The following SARNP variants were observed in gnomAD, a reference collection of about 807,000 sequenced individuals.
SARNP encodes SAP domain containing ribonucleoprotein.
A neutral mutation model predicts 38.1 loss-of-function variants in SARNP; 5 were observed. That is an observed-to-expected ratio of 0.13 (90% CI 0.07 to 0.28). The LOEUF (loss-of-function observed/expected upper bound fraction) is 0.28. Ranked by LOEUF, SARNP falls within the 10% of genes least tolerant of loss-of-function variation. The probability of loss-of-function intolerance (pLI) is 1.00; values close to 1 mark genes in which losing one functional copy is unlikely to be tolerated. For synonymous variants in SARNP, 84 were observed against 80.6 expected, an observed-to-expected ratio of 1.04 and a Z score of -0.23; for missense variants, 180 against 243.9, an observed-to-expected ratio of 0.74 and a Z score of 1.75.
At chr12:55,806,122 A>C (rs1880133354) in intron 1 of SARNP, among the ~76,000 whole-genome samples, 1 of 151,956 alleles carries the variant, frequency 6.6e-6, no homozygotes, top group Middle Eastern at 3.2e-3. Context: ...ATAGCCTCTG[A>C]AGCCAGACTA....
At chr12:55,811,245 T>A (rs1217536923) in intron 1 of SARNP, among the ~76,000 whole-genome samples, 3 of 151,888 alleles carry the variant, frequency 2.0e-5, no homozygotes, top group Admixed American at 6.6e-5. Context: ...TTAAAGAAAT[T>A]CAATAACTTG....
chr12:55,796,643 TCCACCCACCTCGG>T (rs1879828769), intron 4 of SARNP, among the ~76,000 whole-genome samples: 1 of 152,182 alleles, frequency 6.6e-6, no homozygotes, highest in Admixed American at 6.6e-5. Flanking sequence ...CCTCAAGTGA[TCCACCCACCTCGG>T]CCTCCCAAAG....
intron 9 of SARNP, among the ~76,000 whole-genome samples, chr12:55,763,022 T>A (rs1878721853): frequency 6.6e-6 from 1 of 152,204 alleles, no homozygotes; most frequent in Non-Finnish European, 1.5e-5. Context: ...TTAAGAATCC[T>A]ATACAAGTTA....
rs549719863 is a variant in SARNP, at chr12:55,783,280, T to C, written c.501+5795A>G. On this transcript the variant is annotated intron_variant, in intron 9 of 10. Coordinates refer to ENST00000336133, the MANE Select transcript of SARNP (RefSeq NM_033082.4). ...AATCAATCAGAGCAAACCAGGTAGA[T>C]GTTATTTATCTGAGTTTTGTTGTTT... Among the ~76,000 whole-genome samples, 13 of 150,660 alleles carry C rather than the reference T, an allele frequency of 8.6e-5. No individual in the cohort carries two copies. The South Asian group carries it at 2.6e-3, about 30-fold the overall frequency.
At chr12:55,811,223 T>G (rs1880318805) in intron 1 of SARNP, among the ~76,000 whole-genome samples, 1 of 152,116 alleles carries the variant, frequency 6.6e-6, no homozygotes, top group African/African-American at 2.4e-5. Flanking sequence ...GTGGTTGGTA[T>G]TACAATTAGG....
At chr12:55,776,248 G>A (rs949534853) in intron 9 of SARNP, among the ~76,000 whole-genome samples, 2 of 152,048 alleles carry the variant, frequency 1.3e-5, no homozygotes, top group African/African-American at 4.8e-5. Context: ...ATACCAGCCT[G>A]GGCAAAATAG....
chr12:55,795,172 C>T (rs1239428683), intron 5 of SARNP, among the ~76,000 whole-genome samples: 1 of 151,960 alleles, frequency 6.6e-6, no homozygotes, highest in Non-Finnish European at 1.5e-5. Flanking sequence ...GATGGCCAGG[C>T]TGATATTGAA....
chr12:55,755,024 T>C (rs997489388), downstream of SARNP: 4 of 152,200 alleles, frequency 2.6e-5, no homozygotes. Context: ...AAACCTGTAA[T>C]TTTAAATCCC....
intron 9 of SARNP, among the ~76,000 whole-genome samples, chr12:55,768,024 G>A (rs994304430): frequency 9.2e-5 from 14 of 152,010 alleles, no homozygotes; most frequent in Non-Finnish European, 1.8e-4. Flanking sequence ...AGATGACTAA[G>A]GGTTAAAATT....
At chr12:55,753,874 AG>A (rs1322800064), downstream of SARNP, 3 of 151,688 alleles carry the variant, frequency 2.0e-5, no homozygotes, top group African/African-American at 7.3e-5. Flanking sequence ...TTGAGGCCAG[AG>A]GGTCAAGGCT....
At chr12:55,765,397 TGCAGTA>T (rs1878798926) in intron 9 of SARNP, among the ~76,000 whole-genome samples, 1 of 152,184 alleles carries the variant, frequency 6.6e-6, no homozygotes. Flanking sequence ...CATGCTGTCG[TGCAGTA>T]GCATGATCAT....
At chr12:55,777,829 T>G (rs2136187858) in intron 9 of SARNP, among the ~76,000 whole-genome samples, 1 of 152,368 alleles carries the variant, frequency 6.6e-6, no homozygotes, top group South Asian at 2.1e-4. Context: ...TGTCTCCTAC[T>G]TCTCTGGTTG....
At chr12:55,793,051 G>A (rs917314261) in intron 7 of SARNP, 3 of 152,162 alleles carry the variant, frequency 2.0e-5, no homozygotes, top group Admixed American at 1.3e-4. Flanking sequence ...GGGAGGCAGA[G>A]GTGAGTGGAT....
chr12:55,789,509 T>G (rs1879600644), intron 8 of SARNP, among the ~76,000 whole-genome samples: 1 of 152,246 alleles, frequency 6.6e-6, no homozygotes, highest in Non-Finnish European at 1.5e-5. Flanking sequence ...TCTGCAAGTA[T>G]TTCTTAACTC....
At position 55,757,425 on chromosome 12, in the gene SARNP, A is replaced by G; in HGVS notation, c.*87T>C. ...TCATTGCGAGGCAGGACGTAGGCAC[A>G]TGACTGTGCATTTAGGCATATATGT... On this transcript the variant is annotated 3_prime_UTR_variant, in exon 11 of 11. Transcript: ENST00000336133. The G allele has an allele frequency of 2.5e-6, 3 of 1,183,032 alleles. No homozygotes were observed. The highest frequency in any genetic ancestry group is 2.9e-5 in the South Asian group (2 of 69,884). The allele number at this position is 1,183,032 out of a possible 1,614,324, so 73.3% of individuals were successfully genotyped here.
intron 2 of SARNP, among the ~76,000 whole-genome samples, chr12:55,802,737 T>C (rs1371569607): frequency 2.6e-5 from 4 of 151,392 alleles, no homozygotes; most frequent in Non-Finnish European, 5.9e-5. Context: ...ATATACTATA[T>C]ACTATTATAT....
chr12:55,805,431 G>A (rs1880109316), intron 1 of SARNP, among the ~76,000 whole-genome samples: 1 of 152,156 alleles, frequency 6.6e-6, no homozygotes, highest in African/African-American at 2.4e-5. Context: ...TTATTTTTAG[G>A]CCAGGGACAG....
chr12:55,809,949 CTT>C (rs1475492574), intron 1 of SARNP, among the ~76,000 whole-genome samples: 30 of 152,162 alleles, frequency 2.0e-4, no homozygotes, highest in Admixed American at 9.2e-4. Context: ...ACCATATACT[CTT>C]TTGTGAACTT....
At chr12:55,809,597 C>A (rs1439785080) in intron 1 of SARNP, among the ~76,000 whole-genome samples, 5 of 65,048 alleles carry the variant, frequency 7.7e-5, no homozygotes, top group East Asian at 4.8e-4. Context: ...TCTCAAAAAA[C>A]AAAAAACTAG....
Sources: gnomAD v4.1 joint callset for allele counts (sites outside exome capture counted in the v4.1 genomes callset) on GRCh38, gnomAD v4.1.1 for gene constraint, MANE v1.5 for transcripts, NCBI Gene and HGNC (gene_info 2026-07-23, HGNC 2026-07-21) for gene names.